HTR4: variants seen among roughly 807,000 people sequenced by gnomAD.
The protein encoded by HTR4 is 5-hydroxytryptamine (serotonin) receptor 4, G protein-coupled.
Under a neutral mutation model 36.8 loss-of-function variants are expected in HTR4, and 16 were observed. That is an observed-to-expected ratio of 0.43 (90% CI 0.29 to 0.66). HTR4 has a LOEUF of 0.66. Among genes scored for constraint, HTR4 ranks in the 30% least tolerant of loss-of-function variants. The probability of loss-of-function intolerance (pLI) is 0.13; values close to 1 mark genes in which losing one functional copy is unlikely to be tolerated. For missense variants in HTR4, 438 were observed against 490.9 expected (o/e 0.89, Z 1.02); for synonymous variants, 189 against 185.1 (o/e 1.02, Z -0.17).
At chr5:148,549,118 C>T (rs17720637) in intron 3 of HTR4, among the ~76,000 whole-genome samples, 38,344 of 152,114 alleles carry the variant, frequency 0.25, 5,704 homozygotes, top group Non-Finnish European at 0.34. Flanking sequence ...TACCTTATAC[C>T]AAAACCTCTT....
chr5:148,487,922 A>G (rs1756241043), intron 6 of HTR4, among the ~76,000 whole-genome samples: 1 of 152,228 alleles, frequency 6.6e-6, no homozygotes, highest in Admixed American at 6.5e-5. Context: ...GGTTGTCATC[A>G]CATTGAAGAT....
At chr5:148,635,491 G>A (rs1387811577) in intron 2 of HTR4, among the ~76,000 whole-genome samples, 1 of 152,118 alleles carries the variant, frequency 6.6e-6, no homozygotes, top group Non-Finnish European at 1.5e-5. Flanking sequence ...TTGTTCCACA[G>A]CACCCAGGAG....
chr5:148,458,178 T>G (rs921237539), intron 5 of HTR4, among the ~76,000 whole-genome samples: 20 of 146,166 alleles, frequency 1.4e-4, no homozygotes, highest in African/African-American at 3.0e-4. Flanking sequence ...TATATTTTAA[T>G]ATCTATTTAA....
chr5:148,485,268 G>C (rs1378079031), intron 6 of HTR4, among the ~76,000 whole-genome samples: 1 of 152,180 alleles, frequency 6.6e-6, no homozygotes. Context: ...AGGAAACTGA[G>C]CTTCAGGGAG....
chr5:148,613,070 G>C (rs1385659970), intron 2 of HTR4, among the ~76,000 whole-genome samples: 7 of 142,028 alleles, frequency 4.9e-5, no homozygotes, highest in Admixed American at 1.4e-4. Flanking sequence ...TCCAGGACCA[G>C]ATGGATTCAC....
chr5:148,473,440 T>A (rs1755622212), downstream of HTR4, among the ~76,000 whole-genome samples: 1 of 151,744 alleles, frequency 6.6e-6, no homozygotes, highest in African/African-American at 2.4e-5. Context: ...GATTGGAAAA[T>A]AAAAAATGAC....
chr5:148,605,554 G>A (rs1293410609), intron 2 of HTR4, among the ~76,000 whole-genome samples: 2 of 151,714 alleles, frequency 1.3e-5, no homozygotes, highest in African/African-American at 2.4e-5. Flanking sequence ...CACCATGCCC[G>A]GCCTCACAGA....
intron 5 of HTR4, among the ~76,000 whole-genome samples, chr5:148,465,032 A>C (rs1755388076): frequency 6.6e-6 from 1 of 152,164 alleles, no homozygotes; most frequent in Admixed American, 6.6e-5. Flanking sequence ...AAAACTATGG[A>C]GAAAATAAAA....
intron 4 of HTR4, among the ~76,000 whole-genome samples, chr5:148,547,835 AT>A (rs1424938685): frequency 6.6e-6 from 1 of 152,166 alleles, no homozygotes; most frequent in Non-Finnish European, 1.5e-5. Flanking sequence ...GTAAGAAATC[AT>A]TGTCCCTGGC....
intron 5 of HTR4, chr5:148,520,910 G>C: frequency 7.3e-7 from 1 of 1,367,762 alleles, no homozygotes; most frequent in Non-Finnish European, 9.8e-7. Context: ...AGGAATACTT[G>C]TTCTGACATA....
chr5:148,573,074 G>T (rs566195456), intron 2 of HTR4, among the ~76,000 whole-genome samples: 5 of 152,198 alleles, frequency 3.3e-5, no homozygotes, highest in Non-Finnish European at 7.4e-5. Flanking sequence ...TTCTGGAGCA[G>T]CTAATTCCAA....
At chr5:148,592,386 A>G (rs1242718041) in intron 2 of HTR4, among the ~76,000 whole-genome samples, 2 of 152,094 alleles carry the variant, frequency 1.3e-5, no homozygotes, top group African/African-American at 4.8e-5. Flanking sequence ...TGAACCTAAA[A>G]TAAGAGTTAA....
At chr5:148,594,329 A>ATAATTT (rs1761686388) in intron 2 of HTR4, among the ~76,000 whole-genome samples, 2 of 149,074 alleles carry the variant, frequency 1.3e-5, no homozygotes, top group African/African-American at 2.5e-5. Context: ...TTTCTGGCTC[A>ATAATTT]TAATTTTACA....
downstream of HTR4, among the ~76,000 whole-genome samples, chr5:148,478,546 C>T (rs574797613): frequency 3.3e-5 from 5 of 152,148 alleles, no homozygotes; most frequent in South Asian, 6.2e-4. Context: ...TTATGAACAC[C>T]GCCTCAGAAA....
chr5:148,480,954 G>A (rs1380913694), downstream of HTR4, among the ~76,000 whole-genome samples: 1 of 152,190 alleles, frequency 6.6e-6, no homozygotes, highest in Non-Finnish European at 1.5e-5. Context: ...ACAACTTTGT[G>A]AAGTAGGCAA....
chr5:148,580,933 G>C (rs1761107088), intron 2 of HTR4, among the ~76,000 whole-genome samples: 1 of 151,826 alleles, frequency 6.6e-6, no homozygotes, highest in Non-Finnish European at 1.5e-5. Context: ...GATTTTTTGA[G>C]GACCCTCCAT....
intron 3 of HTR4, among the ~76,000 whole-genome samples, chr5:148,549,923 A>G (rs1301283666): frequency 1.3e-5 from 2 of 152,230 alleles, no homozygotes; most frequent in Non-Finnish European, 2.9e-5. Flanking sequence ...GAAAAAAATG[A>G]CAGGATGGAA....
At chr5:148,613,881 C>G (rs1581547344) in intron 2 of HTR4, among the ~76,000 whole-genome samples, 1 of 152,072 alleles carries the variant, frequency 6.6e-6, no homozygotes, top group Non-Finnish European at 1.5e-5. Flanking sequence ...TTCCTATATA[C>G]CAACAACAGA....
intron 6 of HTR4, among the ~76,000 whole-genome samples, chr5:148,497,278 A>G (rs770113291): frequency 1.3e-5 from 2 of 152,070 alleles, no homozygotes; most frequent in Non-Finnish European, 2.9e-5. Context: ...CTTAATTCAC[A>G]TACTAATTGG....
Sources: allele counts gnomAD v4.1 joint callset (sites outside exome capture counted in the v4.1 genomes callset), GRCh38; gene constraint gnomAD v4.1.1; transcripts MANE v1.5; gene names NCBI Gene and HGNC (gene_info 2026-07-23, HGNC 2026-07-21).